KIF13B: variants seen among roughly 807,000 people sequenced by gnomAD.
KIF13B encodes kinesin family member 13B.
Under a neutral mutation model 222.0 loss-of-function variants are expected in KIF13B, and 127 were observed. The observed-to-expected ratio is 0.57, with a 90% CI of 0.50 to 0.66. The LOEUF is 0.66. Among genes scored for constraint, KIF13B ranks in the 30% least tolerant of loss-of-function variants. KIF13B has a pLI of 0.00. For synonymous variants in KIF13B, 976 were observed against 919.0 expected, an observed-to-expected ratio of 1.06 and a Z score of -1.12; for missense variants, 2,173 against 2,379.0, an observed-to-expected ratio of 0.91 and a Z score of 1.80.
intron 2 of KIF13B, among the ~76,000 whole-genome samples, chr8:29,243,348 C>CAA (rs777503766): frequency 4.8e-4 from 53 of 110,734 alleles, no homozygotes; most frequent in Non-Finnish European, 6.5e-4. Flanking sequence ...GACCCAGTCT[C>CAA]AAAAAAAAAA....
intron 2 of KIF13B, among the ~76,000 whole-genome samples, chr8:29,220,145 C>A (rs747281010): frequency 1.3e-5 from 2 of 152,126 alleles, no homozygotes; most frequent in African/African-American, 2.4e-5. Flanking sequence ...ATTTAACCCC[C>A]CTGTACACAA....
chr8:29,241,959 T>A (rs979363058), intron 2 of KIF13B, among the ~76,000 whole-genome samples: 1 of 152,206 alleles, frequency 6.6e-6, no homozygotes, highest in African/African-American at 2.4e-5. Flanking sequence ...ACAGTTCCTA[T>A]GGGAAAATGC....
chr8:29,160,612 A>C, intron 13 of KIF13B, 121 bp downstream of exon 13: 1 of 772,780 alleles, frequency 1.3e-6, no homozygotes, highest in Admixed American at 3.5e-5. Context: ...CAGAAACCCA[A>C]GATGGTTCTA....
chr8:29,258,773 T>A lies in KIF13B; in HGVS notation c.55+4207A>T, dbSNP rs184279266. ...TCAGTGAAGTCTAAACTCCTCTCGA[T>A]TCCCTTATTTCCCTGTCATTCACCT... On this transcript the variant is annotated intron_variant, in intron 1 of 39. Transcript: ENST00000524189. Among the ~76,000 whole-genome samples the A allele has an allele frequency of 3.3e-5, 5 of 152,292 alleles. No individual in the cohort carries two copies. The East Asian group carries it at 9.6e-4, about 29-fold the overall frequency.
intron 37 of KIF13B, among the ~76,000 whole-genome samples, chr8:29,079,233 A>G (rs1440960763): frequency 6.6e-6 from 1 of 152,168 alleles, no homozygotes; most frequent in Non-Finnish European, 1.5e-5. Context: ...CCCCCGTGGA[A>G]TCGTGTTCCA....
intron 1 of KIF13B, among the ~76,000 whole-genome samples, chr8:29,247,003 A>G (rs916024314): frequency 1.3e-5 from 2 of 152,236 alleles, no homozygotes; most frequent in African/African-American, 4.8e-5. Context: ...GAAGAATACA[A>G]AAGTGTATAT....
intron 2 of KIF13B, among the ~76,000 whole-genome samples, chr8:29,230,763 G>A (rs1229599574): frequency 1.3e-5 from 2 of 152,186 alleles, no homozygotes; most frequent in East Asian, 1.9e-4. Context: ...CACCTGCAAG[G>A]GGTCTGATAT....
At chr8:29,229,437 A>G (rs1006537500) in intron 2 of KIF13B, among the ~76,000 whole-genome samples, 1 of 152,220 alleles carries the variant, frequency 6.6e-6, no homozygotes. Flanking sequence ...TAACAATGTG[A>G]TGCCTATATC....
intron 34 of KIF13B, among the ~76,000 whole-genome samples, chr8:29,109,185 C>A (rs1372974442): frequency 6.6e-6 from 1 of 152,172 alleles, no homozygotes; most frequent in Non-Finnish European, 1.5e-5. Context: ...TCAGTCTATG[C>A]TAGGCAGTGG....
intron 30 of KIF13B, among the ~76,000 whole-genome samples, chr8:29,118,095 T>G (rs1411702464): frequency 2.0e-5 from 3 of 151,682 alleles, no homozygotes; most frequent in Non-Finnish European, 2.9e-5. Context: ...GAGGCAGAGA[T>G]TGCAGTGAGC....
At chr8:29,099,285 T>C (rs761807008) in intron 35 of KIF13B, 44 bp from the exon 36 acceptor site, 4 of 1,349,712 alleles carry the variant, frequency 3.0e-6, no homozygotes, top group Admixed American at 2.2e-5. Flanking sequence ...GTTATTCAAT[T>C]AACCAAACAA....
At chr8:29,125,243 C>T (rs930323451) in intron 26 of KIF13B, among the ~76,000 whole-genome samples, 6 of 152,188 alleles carry the variant, frequency 3.9e-5, no homozygotes, top group African/African-American at 1.4e-4. Context: ...GGGTTGTCAT[C>T]AACAGAATAA....
At chr8:29,250,539 G>A (rs1357934863) in intron 1 of KIF13B, among the ~76,000 whole-genome samples, 1 of 152,172 alleles carries the variant, frequency 6.6e-6, no homozygotes, top group African/African-American at 2.4e-5. Flanking sequence ...TTGTCCTAGA[G>A]ACGGCAACTT....
chr8:29,132,440 T>C lies in KIF13B; in HGVS notation c.2810A>G (p.Asp937Gly). The change falls in exon 23 of 40, where the codon GAC (aspartate) becomes GGC (glycine). Residue 937 changes from aspartate (D) to glycine (G), a missense_variant. This residue lies in a region of KIF13B where 1,480 missense variants were observed against 1,722.8 expected (regional missense o/e 0.86). Coordinates refer to ENST00000524189, the MANE Select transcript of KIF13B (RefSeq NM_015254.4). ...TCCTTCGGAAAGATGCTCGATAAAGTCTTCGGTGATGTTAACAGAAAACTC... is the reference window on the plus strand; with the variant it reads ...TCCTTCGGAAAGATGCTCGATAAAGCCTTCGGTGATGTTAACAGAAAACTC... ...CNEFSVNITE[D>G]FIEHLSEGAL... The C allele has an allele frequency of 6.4e-7, 1 of 1,551,094 alleles. No individual in the cohort carries two copies. Among genetic ancestry groups the C allele is most frequent in the Non-Finnish European group, 8.7e-7 (1 of 1,147,476 alleles).
chr8:29,175,954 A>G, intron 10 of KIF13B, 114 bp downstream of exon 10: 1 of 685,530 alleles, frequency 1.5e-6, no homozygotes, highest in South Asian at 1.6e-5. Context: ...ATAATTATAC[A>G]TTTGCACACC....
intron 13 of KIF13B, among the ~76,000 whole-genome samples, chr8:29,158,384 T>C (rs1394995829): frequency 6.6e-6 from 1 of 152,232 alleles, no homozygotes; most frequent in African/African-American, 2.4e-5. Flanking sequence ...GGATAGCATC[T>C]CAGTCTCTTT....
chr8:29,072,139 C>T lies in KIF13B; in HGVS notation c.4699G>A (p.Gly1567Arg). 1 of 1,402,912 alleles carries T rather than the reference C, an allele frequency of 7.1e-7. No homozygotes were observed. Among genetic ancestry groups the T allele is most frequent in the Non-Finnish European group, 9.3e-7 (1 of 1,077,152 alleles). 86.9% of individuals were successfully genotyped at this position (1,402,912 alleles called of 1,614,324 possible). A position where few individuals can be genotyped will look rare whatever the true frequency, so the allele number is the denominator to read the frequency against. Residue 1567 changes from glycine (G) to arginine (R), a missense_variant, in exon 39 of 40, where the codon GGG becomes AGG. Gly to Arg is a moderately radical substitution (Grantham distance 125). Transcript: ENST00000524189. ...GTGGAGACGCTGTGGGAGAAGTACC[C>T]GCTAGAGGCTTCACTCAGGGGGCTG... ...PPSPLSEASSGYFSHSVSTAT... is the reference protein window; with the variant it reads ...PPSPLSEASSRYFSHSVSTAT...
At chr8:29,170,915 A>G (rs1236209136) in intron 10 of KIF13B, among the ~76,000 whole-genome samples, 3 of 151,996 alleles carry the variant, frequency 2.0e-5, no homozygotes, top group Admixed American at 6.6e-5. Context: ...CTGTTTATAC[A>G]AAAAAGAAAA....
rs1028868100 is a variant in KIF13B at position 29,167,300 on chromosome 8, G to C, written c.1158+73C>G. The C allele has an allele frequency of 6.2e-6, 8 of 1,285,768 alleles. No homozygotes were observed. The South Asian group carries it at 7.6e-5, about 12-fold the overall frequency. 79.6% of individuals were successfully genotyped at this position (1,285,768 alleles called of 1,614,324 possible). On this transcript the variant is annotated intron_variant, in intron 11 of 39. Coordinates refer to ENST00000524189, the MANE Select transcript of KIF13B (RefSeq NM_015254.4). ...TAGAGTACTCATCCCTCACAGCCCA[G>C]GGGAAGGAAATTCAAGCTCTAGGCT...
Sources: allele counts gnomAD v4.1 joint callset (sites outside exome capture counted in the v4.1 genomes callset), GRCh38; gene constraint gnomAD v4.1.1; regional missense constraint gnomAD v4.1.1; transcripts MANE v1.5; gene names NCBI Gene and HGNC (gene_info 2026-07-23, HGNC 2026-07-21).